ACSBG1: variants seen among roughly 807,000 people sequenced by gnomAD.
The protein encoded by ACSBG1 is long-chain-fatty-acid--CoA ligase ACSBG1.
In ACSBG1, 39 loss-of-function variants were observed where a neutral mutation model predicts 80.2. The observed-to-expected ratio is 0.49, with a 90% confidence interval of 0.38 to 0.64. The LOEUF is 0.64. Among genes scored for constraint, ACSBG1 ranks in the 30% least tolerant of loss-of-function variants. ACSBG1 has a pLI of 0.00. For synonymous variants in ACSBG1, 392 were observed against 379.5 expected, an observed-to-expected ratio of 1.03 and a Z score of -0.38; for missense variants, 828 against 966.4, an observed-to-expected ratio of 0.86 and a Z score of 1.90.
rs1031287541 is a variant in ACSBG1 at position 78,194,677 on chromosome 15, T to C, written c.282A>G (p.Ile94Met). The C allele has an allele frequency of 6.2e-7, 1 of 1,613,808 alleles. No homozygotes were observed. The highest frequency in any genetic ancestry group is 8.5e-7 in the Non-Finnish European group (1 of 1,179,922). Residue 94 changes from isoleucine to methionine, a missense_variant, in exon 3 of 14, where the codon ATA (isoleucine) becomes ATG (methionine). Physicochemically the swap from Ile to Met is conservative, Grantham distance 10. Coordinates refer to ENST00000258873, the MANE Select transcript of ACSBG1 (RefSeq NM_015162.5). ...TRADGRVRLRIDPSCPQLPYT... is the reference protein window; with the variant it reads ...TRADGRVRLRMDPSCPQLPYT... ...AGGGAAGCTGTGGGCAGCTGGGGTC[T>C]ATGCGCAGGCGCACCCGCCCATCGG...
intron 1 of ACSBG1, among the ~76,000 whole-genome samples, chr15:78,215,053 T>A (rs1210662669): frequency 4.6e-5 from 7 of 151,914 alleles, no homozygotes; most frequent in Non-Finnish European, 8.8e-5. Context: ...CCCCCATCAA[T>A]GCACTTTGCA....
At chr15:78,186,315 C>A (rs1298965386) in intron 5 of ACSBG1, among the ~76,000 whole-genome samples, 2 of 152,150 alleles carry the variant, frequency 1.3e-5, no homozygotes, top group Middle Eastern at 3.2e-3. Context: ...AGCTCTGCAC[C>A]AAGCGGACCT....
chr15:78,182,408 C>T, intron 7 of ACSBG1, 58 bp downstream of exon 7: 1 of 1,596,192 alleles, frequency 6.3e-7, no homozygotes, highest in Non-Finnish European at 8.5e-7. Flanking sequence ...AGAGCCATGG[C>T]CCAGATCCAC....
At chr15:78,197,719 TAAAA>T (rs746712543) in intron 2 of ACSBG1, among the ~76,000 whole-genome samples, 3 of 103,334 alleles carry the variant, frequency 2.9e-5, no homozygotes, top group Middle Eastern at 6.1e-3. Flanking sequence ...ACTCTGTCTT[TAAAA>T]AAAAAAAAAA....
chr15:78,168,656 A>C lies in ACSBG1; in HGVS notation c.*2788T>G, dbSNP rs1162735705. 5 of 290,724 alleles carry C rather than the reference A, an allele frequency of 1.7e-5. No individual in the cohort carries two copies. In the East Asian group the frequency reaches 2.3e-4, roughly 13 times the overall value. 18.0% of individuals were successfully genotyped at this position (290,724 alleles called of 1,614,324 possible). A position where few individuals can be genotyped will look rare whatever the true frequency, so the allele number is the denominator to read the frequency against. On this transcript the variant is annotated 3_prime_UTR_variant, in exon 14 of 14. Transcript: ENST00000258873. ...GGGTCTATTGTGTGAACAAAGGGAA[A>C]ATTTTGGTAAAGCTCCCTGCCTCCC...
intron 2 of ACSBG1, chr15:78,207,691 A>T (rs2075228257): frequency 2.7e-6 from 1 of 369,754 alleles, no homozygotes; most frequent in Non-Finnish European, 5.0e-6. Context: ...CCTTTGCTGG[A>T]GCCCCAAGTT....
At chr15:78,234,035 C>G (rs929635890) in intron 1 of ACSBG1, among the ~76,000 whole-genome samples, 1 of 152,156 alleles carries the variant, frequency 6.6e-6, no homozygotes, top group Non-Finnish European at 1.5e-5. Context: ...CTTTGACCCC[C>G]GCAGGCAAAA....
At chr15:78,173,572 T>C in intron 13 of ACSBG1, 21 bp downstream of exon 13, 1 of 1,612,076 alleles carries the variant, frequency 6.2e-7, no homozygotes, top group Non-Finnish European at 8.5e-7. Flanking sequence ...GCCCTTGCAA[T>C]GGTGAAAAGG....
At chr15:78,196,022 G>C (rs571613734) in intron 2 of ACSBG1, among the ~76,000 whole-genome samples, 27 of 152,354 alleles carry the variant, frequency 1.8e-4, no homozygotes, top group Non-Finnish European at 3.4e-4. Flanking sequence ...TGGAGGGCCG[G>C]AAGTAGGGAT....
At chr15:78,183,415 A>G (rs573412997) in intron 5 of ACSBG1, among the ~76,000 whole-genome samples, 21 of 152,168 alleles carry the variant, frequency 1.4e-4, no homozygotes, top group Middle Eastern at 3.4e-3. Flanking sequence ...TGTTTCTACT[A>G]AAAATACAAA....
chr15:78,179,773 T>G lies in ACSBG1; in HGVS notation c.1261A>C (p.Lys421Gln). The G allele has an allele frequency of 3.7e-6, 6 of 1,612,460 alleles. No individual in the cohort carries two copies. Among genetic ancestry groups the G allele is most frequent in the Non-Finnish European group, 5.1e-6 (6 of 1,179,476 alleles). Residue 421 changes from lysine to glutamine, a missense_variant, in exon 10 of 14, where the codon AAG (lysine) becomes CAG (glutamine). This residue lies in a region of ACSBG1 where 271 missense variants were observed against 375.9 expected (regional missense o/e 0.72). Transcript: ENST00000258873. Reference sequence around the variant, plus strand: ...TCTGCCAGTCTGGTTGTGAAGGGCTTCAGGTCGCTGGTGGGAGAGGGAGAA... The same window carrying G: ...TCTGCCAGTCTGGTTGTGAAGGGCTGCAGGTCGCTGGTGGGAGAGGGAGAA... ...QNLTCPGSDL[K>Q]PFTTRLADYL...
At position 78,187,686 on chromosome 15, in the gene ACSBG1, G is replaced by A. The variant is rs549900473; in HGVS notation, c.664-4901C>T. ...GATGGGATGTATCTCAAAATAATAA[G>A]AGCTATCTATGACAAACCCACAGCC... On this transcript the variant is annotated intron_variant, in intron 5 of 13. Transcript: ENST00000258873. Among the ~76,000 whole-genome samples the A allele has an allele frequency of 3.9e-5, 6 of 152,208 alleles. No individual in the cohort carries two copies. The East Asian group carries it at 7.7e-4, about 20-fold the overall frequency.
intron 1 of ACSBG1, 56 bp from the exon 2 acceptor site, chr15:78,208,158 G>A (rs2141367835): frequency 2.1e-6 from 3 of 1,399,756 alleles, no homozygotes; most frequent in Non-Finnish European, 2.0e-6. Context: ...GGACCGGCCT[G>A]GGCTTAGGGA....
At chr15:78,232,043 G>A (rs1156687382) in intron 1 of ACSBG1, among the ~76,000 whole-genome samples, 2 of 152,224 alleles carry the variant, frequency 1.3e-5, no homozygotes, top group African/African-American at 4.8e-5. Context: ...AATGGGTTAG[G>A]AGCAGAGCTG....
intron 12 of ACSBG1, 84 bp from the exon 13 acceptor site, chr15:78,173,923 G>A (rs182300086): frequency 5.6e-5 from 84 of 1,499,148 alleles, no homozygotes; most frequent in East Asian, 3.2e-4. Flanking sequence ...TACTGCTGTC[G>A]GCAAGGGTGT....
intron 2 of ACSBG1, 77 bp downstream of exon 2, chr15:78,207,925 A>ACCCCCCCCCCCCCCCCCCCACCCCCCC: frequency 2.2e-6 from 1 of 454,978 alleles, no homozygotes; most frequent in Non-Finnish European, 4.3e-6. Flanking sequence ...GGTCCCCCAC[A>ACCCCCCCCCCCCCCCCCCCACCCCCCC]CCACCCACCC....
intron 1 of ACSBG1, among the ~76,000 whole-genome samples, chr15:78,230,616 G>GT (rs1352170699): frequency 6.6e-6 from 1 of 152,206 alleles, no homozygotes; most frequent in African/African-American, 2.4e-5. Context: ...GACAGACCAG[G>GT]TGGGAGGTAA....
In ACSBG1 at chr15:78,194,674, G is replaced by A. The variant is rs1166267071; in HGVS notation, c.285C>T (p.Asp95=). 1 of 1,613,916 alleles carries A rather than the reference G, an allele frequency of 6.2e-7. No homozygotes were observed. ...RADGRVRLRI[D]PSCPQLPYTV... ...TGTAGGGAAGCTGTGGGCAGCTGGGGTCTATGCGCAGGCGCACCCGCCCAT... is the reference window on the plus strand; with the variant it reads ...TGTAGGGAAGCTGTGGGCAGCTGGGATCTATGCGCAGGCGCACCCGCCCAT... The change falls in exon 3 of 14, where the codon GAC becomes GAT. Residue 95 remains aspartate (D), a synonymous_variant. Transcript: ENST00000258873.
At chr15:78,202,998 G>T (rs1270823497) in intron 2 of ACSBG1, among the ~76,000 whole-genome samples, 2 of 152,068 alleles carry the variant, frequency 1.3e-5, no homozygotes, top group African/African-American at 4.8e-5. Context: ...AGTACAAAAA[G>T]AATATTTAAT....
Sources: gnomAD v4.1 joint callset for allele counts (sites outside exome capture counted in the v4.1 genomes callset) on GRCh38, gnomAD v4.1.1 for gene constraint, gnomAD v4.1.1 regional missense constraint, MANE v1.5 for transcripts, NCBI Gene and HGNC (gene_info 2026-07-23, HGNC 2026-07-21) for gene names.